FBXW11: variants seen among roughly 807,000 people sequenced by gnomAD.
FBXW11 encodes the protein F-box/WD repeat-containing protein 11.
A neutral mutation model predicts 77.6 loss-of-function variants in FBXW11; 19 were observed. The observed-to-expected ratio is 0.24, with a 90% CI of 0.17 to 0.36. FBXW11 has a LOEUF of 0.36. Ranked by LOEUF, FBXW11 falls within the 10% of genes least tolerant of loss-of-function variation. FBXW11 has a pLI of 1.00. For synonymous variants in FBXW11, 235 were observed against 249.4 expected, an observed-to-expected ratio of 0.94 and a Z score of 0.54; for missense variants, 334 against 704.2, an observed-to-expected ratio of 0.47 and a Z score of 5.95.
chr5:171,986,595 T>C (rs915947116), intron 1 of FBXW11, among the ~76,000 whole-genome samples: 1 of 151,844 alleles, frequency 6.6e-6, no homozygotes. Flanking sequence ...GGCATGGTGG[T>C]GTGCGCCTGT....
chr5:171,994,550 T>C (rs970764960), intron 1 of FBXW11, among the ~76,000 whole-genome samples: 10 of 152,150 alleles, frequency 6.6e-5, no homozygotes, highest in African/African-American at 2.4e-4. Context: ...AAATTCAAAA[T>C]TCTCAACACT....
At chr5:171,891,429 G>T in intron 7 of FBXW11, 38 bp downstream of exon 7, 1 of 1,546,146 alleles carries the variant, frequency 6.5e-7, no homozygotes, top group South Asian at 1.3e-5. Context: ...ACATAGCCAC[G>T]ATTCTAAAAA....
Position 171,905,593 on chromosome 5 carries a change from C to CCT in FBXW11, c.436+4978_436+4979insAG, listed in dbSNP as rs1554098636. ...ATCTCCTCCAGCAAAAAGCTAACCC[C>CCT]CCCCCCTTTATTTTCTTGGTATAAG... On this transcript the variant is annotated intron_variant, in intron 4 of 13. Transcript: ENST00000517395. 2.9e-4 allele frequency among the ~76,000 whole-genome samples: 29 copies of CCT among 100,640 alleles called. No individual in the cohort carries two copies. In the South Asian group the frequency reaches 0.015, roughly 52 times the overall value. The allele number at this position is 100,640 out of a possible 152,430, so 66.0% of individuals were successfully genotyped here. A position where few individuals can be genotyped will look rare whatever the true frequency, so the allele number is the denominator to read the frequency against.
intron 1 of FBXW11, among the ~76,000 whole-genome samples, chr5:171,981,541 A>C (rs2113494181): frequency 6.6e-6 from 1 of 152,310 alleles, no homozygotes; most frequent in East Asian, 1.9e-4. Context: ...ATACAGTCAG[A>C]ATTGAATTGA....
At chr5:171,979,710 T>C (rs1278163666) in intron 1 of FBXW11, among the ~76,000 whole-genome samples, 1 of 152,206 alleles carries the variant, frequency 6.6e-6, no homozygotes, top group African/African-American at 2.4e-5. Flanking sequence ...TTGAAAGCCT[T>C]GTTCCCTGGT....
At chr5:171,932,888 G>C (rs1473366932) in intron 2 of FBXW11, among the ~76,000 whole-genome samples, 1 of 142,882 alleles carries the variant, frequency 7.0e-6, no homozygotes, top group Non-Finnish European at 1.5e-5. Flanking sequence ...GGGAGGCCAA[G>C]GCAGGAGACT....
At chr5:171,983,658 C>T (rs1386127801) in intron 1 of FBXW11, among the ~76,000 whole-genome samples, 1 of 152,188 alleles carries the variant, frequency 6.6e-6, no homozygotes, top group Admixed American at 6.5e-5. Flanking sequence ...CATTTGGTCA[C>T]AGAAGCCTTC....
At chr5:171,975,662 A>G (rs1355226653) in intron 1 of FBXW11, among the ~76,000 whole-genome samples, 3 of 152,340 alleles carry the variant, frequency 2.0e-5, no homozygotes, top group East Asian at 3.9e-4. Flanking sequence ...AATGTGGAAA[A>G]CAAGTCTACC....
chr5:171,992,508 A>AAGAAAG (rs1036470066), intron 1 of FBXW11, among the ~76,000 whole-genome samples: 2 of 151,738 alleles, frequency 1.3e-5, no homozygotes, highest in East Asian at 3.9e-4. Context: ...AAGAGAGAGA[A>AAGAAAG]AGAAAGAGAA....
intron 1 of FBXW11, among the ~76,000 whole-genome samples, chr5:171,993,503 C>G (rs1309553765): frequency 1.3e-5 from 2 of 152,030 alleles, no homozygotes; most frequent in Non-Finnish European, 2.9e-5. Flanking sequence ...GTCCCAACTA[C>G]TCAGAAGGCT....
chr5:171,899,581 A>T (rs1264441155), intron 5 of FBXW11, among the ~76,000 whole-genome samples: 1 of 152,178 alleles, frequency 6.6e-6, no homozygotes, highest in African/African-American at 2.4e-5. Context: ...AAACAGCAAA[A>T]TGGCACTATC....
At chr5:172,005,210 A>C (rs536655029) in intron 1 of FBXW11, among the ~76,000 whole-genome samples, 1 of 152,322 alleles carries the variant, frequency 6.6e-6, no homozygotes, top group South Asian at 2.1e-4. Flanking sequence ...CACTGAAGAA[A>C]ATCTGGCTAG....
chr5:171,916,321 T>C (rs1581197208), intron 2 of FBXW11: 1 of 331,698 alleles, frequency 3.0e-6, no homozygotes, highest in African/African-American at 2.3e-5. Context: ...ATTTCAGAGA[T>C]TTTGACAGGA....
intron 2 of FBXW11, among the ~76,000 whole-genome samples, chr5:171,952,183 AACACTGC>A (rs1249338853): frequency 6.6e-6 from 1 of 151,620 alleles, no homozygotes; most frequent in Non-Finnish European, 1.5e-5. Context: ...GCAGCAGAAT[AACACTGC>A]ACAATTTGAT....
At chr5:171,972,202 T>G (rs1280284009) in intron 1 of FBXW11, among the ~76,000 whole-genome samples, 1 of 127,874 alleles carries the variant, frequency 7.8e-6, no homozygotes, top group Non-Finnish European at 1.7e-5. Context: ...TGCATTCCAG[T>G]CTGGACAGCT....
intron 11 of FBXW11, 135 bp downstream of exon 11, chr5:171,870,613 T>G: frequency 1.6e-6 from 1 of 620,636 alleles, no homozygotes; most frequent in Admixed American, 3.0e-5. Flanking sequence ...ACAACAGGTA[T>G]AATAATACCT....
intron 2 of FBXW11, among the ~76,000 whole-genome samples, chr5:171,932,443 T>C (rs960623209): frequency 3.3e-5 from 5 of 152,140 alleles, no homozygotes; most frequent in Admixed American, 1.3e-4. Flanking sequence ...TCATTGCTGG[T>C]AGAAATATCA....
intron 2 of FBXW11, among the ~76,000 whole-genome samples, chr5:171,938,437 G>A (rs1437129474): frequency 1.3e-5 from 2 of 152,176 alleles, no homozygotes; most frequent in Non-Finnish European, 2.9e-5. Context: ...TAATTAAAGA[G>A]ATGCAAATTA....
intron 6 of FBXW11, among the ~76,000 whole-genome samples, chr5:171,894,093 C>T (rs1270663769): frequency 6.6e-6 from 1 of 152,096 alleles, no homozygotes; most frequent in East Asian, 1.9e-4. Flanking sequence ...GTACCCAAAA[C>T]CCTGAAGACG....
Sources: gnomAD v4.1 joint callset for allele counts (sites outside exome capture counted in the v4.1 genomes callset) on GRCh38, gnomAD v4.1.1 for gene constraint, MANE v1.5 for transcripts, NCBI Gene and HGNC (gene_info 2026-07-23, HGNC 2026-07-21) for gene names.